ADAMTSL1: variants seen among roughly 807,000 people sequenced by gnomAD.
The protein encoded by ADAMTSL1 is ADAMTS-like protein 1.
In ADAMTSL1, 126 loss-of-function variants were observed where a neutral mutation model predicts 201.8. That is an observed-to-expected ratio of 0.62 (90% confidence interval 0.54 to 0.72). The LOEUF is 0.72. Among genes scored for constraint, ADAMTSL1 ranks in the 30% least tolerant of loss-of-function variants. The pLI, the probability that ADAMTSL1 is intolerant of heterozygous loss-of-function variation, is 0.00. For missense variants in ADAMTSL1, 2,679 were observed against 2,277.8 expected, an observed-to-expected ratio of 1.18 and a Z score of -3.59; for synonymous variants, 1,121 against 903.4, an observed-to-expected ratio of 1.24 and a Z score of -4.32.
At chr9:18,219,287 A>G (rs1399800486) in intron 2 of ADAMTSL1, among the ~76,000 whole-genome samples, 1 of 151,764 alleles carries the variant, frequency 6.6e-6, no homozygotes, top group African/African-American at 2.4e-5. Context: ...GATAACTGCT[A>G]TCTTCATGAT....
chr9:18,513,967 A>T (rs1262542675), intron 2 of ADAMTSL1, among the ~76,000 whole-genome samples: 1 of 152,196 alleles, frequency 6.6e-6, no homozygotes, highest in African/African-American at 2.4e-5. Context: ...TGTTCTGAAC[A>T]TTCCAGATTG....
chr9:18,708,278 A>C (rs1469876579), intron 14 of ADAMTSL1, among the ~76,000 whole-genome samples: 1 of 152,246 alleles, frequency 6.6e-6, no homozygotes, highest in African/African-American at 2.4e-5. Flanking sequence ...GCAAAGAATC[A>C]ATTTTCTCCA....
At chr9:18,558,966 A>T (rs1821293176) in intron 3 of ADAMTSL1, among the ~76,000 whole-genome samples, 1 of 152,082 alleles carries the variant, frequency 6.6e-6, no homozygotes, top group African/African-American at 2.4e-5. Flanking sequence ...TTGCCTATTC[A>T]CCCTGATGAT....
At chr9:18,848,114 G>A (rs146897078) in intron 23 of ADAMTSL1, among the ~76,000 whole-genome samples, 9 of 152,252 alleles carry the variant, frequency 5.9e-5, no homozygotes, top group East Asian at 1.9e-4. Flanking sequence ...CACCTGCTCT[G>A]TCTGCCTGGC....
chr9:18,156,439 C>G (rs920060902), intron 1 of ADAMTSL1, among the ~76,000 whole-genome samples: 15 of 151,960 alleles, frequency 9.9e-5, no homozygotes, highest in African/African-American at 3.6e-4. Context: ...ATGATGTTGA[C>G]CAATATAAAC....
intron 23 of ADAMTSL1, among the ~76,000 whole-genome samples, chr9:18,844,364 G>T (rs1400202023): frequency 5.3e-5 from 8 of 152,142 alleles, no homozygotes. Context: ...TTCATGAACC[G>T]CGAATGCTGC....
At chr9:18,873,100 G>A (rs1005672768) in intron 23 of ADAMTSL1, among the ~76,000 whole-genome samples, 2 of 152,066 alleles carry the variant, frequency 1.3e-5, no homozygotes, top group Non-Finnish European at 2.9e-5. Context: ...TCAAAAGTTT[G>A]TTGGCCATTT....
chr9:18,717,060 G>T (rs1832990904), intron 14 of ADAMTSL1, among the ~76,000 whole-genome samples: 1 of 139,632 alleles, frequency 7.2e-6, no homozygotes, highest in African/African-American at 2.6e-5. Flanking sequence ...CACAGGAAGG[G>T]AACATCACAC....
rs191321107 is a variant in ADAMTSL1, at chr9:18,185,624, C to T, written c.207+21643C>T. On this transcript the variant is annotated intron_variant, in intron 2 of 29. Transcript: ENST00000680146. The stretch of plus-strand genomic sequence containing the variant: ...TGAATCAGGTAGGTACTGATAGCAA[C>T]GAGAGAAGAGACAACTGACAAGGAG... Among the ~76,000 whole-genome samples, 310 of 151,996 alleles carry T rather than the reference C, an allele frequency of 2.0e-3. 1 individual carries two copies. The highest frequency in any genetic ancestry group is 6.5e-3 in the African/African-American group (271 of 41,452).
At chr9:18,502,291 T>C (rs1324061860) in intron 1 of ADAMTSL1, among the ~76,000 whole-genome samples, 1 of 152,240 alleles carries the variant, frequency 6.6e-6, no homozygotes. Context: ...CAAAGTCATA[T>C]TGAATTTGAG....
Position 18,680,350 on chromosome 9 carries a change from G to A in ADAMTSL1, c.1175G>A (p.Cys392Tyr). 6.2e-7 allele frequency: 1 copy of A among 1,614,136 alleles called. No homozygotes were observed. The highest frequency in any genetic ancestry group is 1.1e-5 in the South Asian group (1 of 91,080). The part of the protein sequence containing the change: ...ATPWTACSSS[C>Y]GGGIQSRAVS... The stretch of plus-strand genomic sequence containing the variant: ...CCATGGACCGCGTGCTCCTCCTCGT[G>A]TGGGGGGGGCATCCAGAGCCGGGCA... The change falls in exon 11 of 29, where the codon TGT (cysteine) becomes TAT (tyrosine). Residue 392 changes from cysteine to tyrosine, a missense_variant. Cys to Tyr is a radical substitution (Grantham distance 194). Transcript: ENST00000380548.
rs1043664957 is a variant in ADAMTSL1, at chr9:18,549,266, A to T, written c.237+15974A>T. Among the ~76,000 whole-genome samples, 5 of 152,048 alleles carry T rather than the reference A, an allele frequency of 3.3e-5. No individual in the cohort carries two copies. The East Asian group carries it at 9.6e-4, about 29-fold the overall frequency. On this transcript the variant is annotated intron_variant, in intron 3 of 28. Transcript: ENST00000380548. ...GTACCCACAAAAGAATGAAACTTAG[A>T]CTAAAGGCTGAAACTTCTCAGTCAT...
At chr9:18,441,061 G>A (rs896529632) in intron 2 of ADAMTSL1, among the ~76,000 whole-genome samples, 13 of 151,992 alleles carry the variant, frequency 8.6e-5, no homozygotes, top group South Asian at 2.1e-4. Flanking sequence ...GAAAGAAGCC[G>A]GACATAAAAG....
At chr9:18,149,532 C>A (rs369258597) in intron 1 of ADAMTSL1, among the ~76,000 whole-genome samples, 17 of 152,142 alleles carry the variant, frequency 1.1e-4, no homozygotes, top group Admixed American at 9.2e-4. Context: ...AACATCACAT[C>A]ACCAGGGAGT....
At chr9:18,847,730 C>T (rs977482781) in intron 23 of ADAMTSL1, among the ~76,000 whole-genome samples, 12 of 152,166 alleles carry the variant, frequency 7.9e-5, no homozygotes, top group Admixed American at 7.2e-4. Flanking sequence ...AACGTGCATG[C>T]CTAGTGTGTT....
At chr9:18,199,159 A>C (rs1246113545) in intron 2 of ADAMTSL1, among the ~76,000 whole-genome samples, 1 of 151,660 alleles carries the variant, frequency 6.6e-6, no homozygotes, top group East Asian at 2.0e-4. Context: ...ACCTAATGCT[A>C]GATGACGAGT....
In ADAMTSL1 at chr9:18,613,298, A is replaced by G. The variant is rs192479840; in HGVS notation, c.475-8945A>G. On this transcript the variant is annotated intron_variant, in intron 4 of 28. Coordinates refer to ENST00000380548, the MANE Select transcript of ADAMTSL1 (RefSeq NM_001040272.6). ...ATTAGTTCAAGCATTGTGGAAGACA[A>G]CATGGCACTTCCTCAAAGACCTAAA... 4.0e-4 allele frequency among the ~76,000 whole-genome samples: 61 copies of G among 152,292 alleles called. 1 individual carries two copies. In the East Asian group the frequency reaches 0.011, roughly 27 times the overall value.
At chr9:18,871,831 C>G (rs1262487051) in intron 23 of ADAMTSL1, among the ~76,000 whole-genome samples, 1 of 152,166 alleles carries the variant, frequency 6.6e-6, no homozygotes, top group Non-Finnish European at 1.5e-5. Context: ...CTCTCTAAAG[C>G]TAGTGCATCT....
chr9:18,519,896 T>A (rs925918080), intron 2 of ADAMTSL1, among the ~76,000 whole-genome samples: 4 of 152,218 alleles, frequency 2.6e-5, no homozygotes, highest in African/African-American at 9.6e-5. Context: ...CTCACCTTTT[T>A]CTTTTCTGAT....
Sources: gnomAD v4.1 joint callset for allele counts (sites outside exome capture counted in the v4.1 genomes callset) on GRCh38, gnomAD v4.1.1 for gene constraint, MANE v1.5 for transcripts, NCBI Gene and HGNC (gene_info 2026-07-23, HGNC 2026-07-21) for gene names.